Variants in RBMS3 observed in about 807,000 individuals in gnomAD.
The protein encoded by RBMS3 is RNA binding motif single stranded interacting protein 3, also known as RNA-binding motif, single-stranded-interacting protein 3.
In RBMS3, 27 loss-of-function variants were observed where a neutral mutation model predicts 66.8. The ratio of observed to expected loss-of-function variants is 0.40; its 90% confidence interval spans 0.30 to 0.56. The LOEUF (loss-of-function observed/expected upper bound fraction) is 0.56, where lower values mean the gene tolerates loss of function less well. Ranked by LOEUF, RBMS3 falls within the 20% of genes least tolerant of loss-of-function variation. The pLI, the probability that RBMS3 is intolerant of heterozygous loss-of-function variation, is 0.40. For synonymous variants in RBMS3, 188 were observed against 183.0 expected, an observed-to-expected ratio of 1.03 and a Z score of -0.22; for missense variants, 513 against 549.5, an observed-to-expected ratio of 0.93 and a Z score of 0.66.
chr3:29,387,615 A>G (rs2039065846), intron 1 of RBMS3, among the ~76,000 whole-genome samples: 2 of 152,256 alleles, frequency 1.3e-5, no homozygotes, highest in South Asian at 4.1e-4. Context: ...TTTAAAATGT[A>G]TAGATGGCCG....
intron 1 of RBMS3, among the ~76,000 whole-genome samples, chr3:29,338,512 A>C (rs538804501): frequency 9.9e-5 from 15 of 152,230 alleles, no homozygotes; most frequent in Admixed American, 5.9e-4. Flanking sequence ...AAGAAATGCA[A>C]ATTCTCAGAT....
In RBMS3 at chr3:29,866,077, T is replaced by TAAAAAAAAAAAA. The variant is rs35591949; in HGVS notation, c.638-2770_638-2759dup. Among the ~76,000 whole-genome samples the TAAAAAAAAAAAA allele has an allele frequency of 8.8e-4, 93 of 105,560 alleles. 3 individuals carry two copies. The highest frequency in any genetic ancestry group is 4.7e-3 in the East Asian group (17 of 3,580). 69.3% of individuals were successfully genotyped at this position (105,560 alleles called of 152,430 possible). A position where few individuals can be genotyped will look rare whatever the true frequency, so the allele number is the denominator to read the frequency against. The stretch of plus-strand genomic sequence containing the variant: ...TTAGTCTATTATTAACACCAAATAC[T>TAAAAAAAAAAAA]AAAAAAAAAAAAAAAAAAAAAATTC... On this transcript the variant is annotated intron_variant, in intron 6 of 14. Transcript: ENST00000383767.
At chr3:29,654,379 C>T (rs1373733230) in intron 4 of RBMS3, among the ~76,000 whole-genome samples, 2 of 152,024 alleles carry the variant, frequency 1.3e-5, no homozygotes, top group Admixed American at 1.3e-4. Flanking sequence ...CATGTAGGCA[C>T]TATCAAATTG....
At chr3:29,424,143 G>C (rs920971309) in intron 1 of RBMS3, among the ~76,000 whole-genome samples, 4 of 152,122 alleles carry the variant, frequency 2.6e-5, no homozygotes, top group Admixed American at 6.5e-5. Context: ...AAAAAGTATG[G>C]AAATGAAATA....
At chr3:29,976,606 G>C (rs960253659) in intron 12 of RBMS3, among the ~76,000 whole-genome samples, 1 of 151,948 alleles carries the variant, frequency 6.6e-6, no homozygotes, top group Non-Finnish European at 1.5e-5. Flanking sequence ...CCCTAGTAGG[G>C]ACACTCGACG....
At position 29,876,573 on chromosome 3, in the gene RBMS3, T is replaced by C. The variant is rs373117300; in HGVS notation, c.745-7589T>C. On this transcript the variant is annotated intron_variant, in intron 7 of 14. Coordinates refer to ENST00000383767, the MANE Select transcript of RBMS3 (RefSeq NM_001003793.3). ...GCTGGGAGACACACATGGCAAAGCA[T>C]GGTCATATTAGCTTCCACCATGGGT... is the stretch of plus-strand genomic sequence containing the variant. 3.9e-5 allele frequency among the ~76,000 whole-genome samples: 6 copies of C among 152,246 alleles called. No individual in the cohort carries two copies. In the South Asian group the frequency reaches 1.2e-3, roughly 32 times the overall value.
At chr3:29,985,636 C>T (rs1045096953) in intron 12 of RBMS3, among the ~76,000 whole-genome samples, 16 of 152,182 alleles carry the variant, frequency 1.1e-4, no homozygotes, top group Non-Finnish European at 2.1e-4. Context: ...CCAGGTGAGG[C>T]GATACCCTAC....
At chr3:29,520,533 C>T (rs1253790339) in intron 3 of RBMS3, among the ~76,000 whole-genome samples, 2 of 151,958 alleles carry the variant, frequency 1.3e-5, no homozygotes, top group African/African-American at 2.4e-5. Flanking sequence ...AGAAAGTGAA[C>T]AAAAGTTGTG....
chr3:29,445,794 A>G (rs930207070), intron 2 of RBMS3, among the ~76,000 whole-genome samples: 3 of 152,160 alleles, frequency 2.0e-5, no homozygotes, highest in African/African-American at 7.2e-5. Context: ...TTTATTTCTT[A>G]TCTGTTGTCA....
chr3:29,919,609 AACATACATGTGTTTAATC>A (rs2060718085), intron 10 of RBMS3, among the ~76,000 whole-genome samples: 1 of 152,182 alleles, frequency 6.6e-6, no homozygotes, highest in Admixed American at 6.5e-5. Context: ...TTATAACCAA[AACATACATGTGTTTAATC>A]ACCTCTCTAT....
intron 1 of RBMS3, among the ~76,000 whole-genome samples, chr3:29,428,050 G>A (rs2041028493): frequency 6.6e-6 from 1 of 152,202 alleles, no homozygotes; most frequent in South Asian, 2.1e-4. Flanking sequence ...GTATGTTGGA[G>A]GGGGTGAATG....
intron 2 of RBMS3, among the ~76,000 whole-genome samples, chr3:29,487,939 G>C (rs2043383413): frequency 6.6e-6 from 1 of 152,172 alleles, no homozygotes; most frequent in Admixed American, 6.5e-5. Flanking sequence ...ATTGCTCCTG[G>C]AGCCTAATAT....
chr3:29,965,491 T>C (rs541989657), intron 12 of RBMS3, among the ~76,000 whole-genome samples: 2 of 152,320 alleles, frequency 1.3e-5, no homozygotes, highest in East Asian at 3.9e-4. Context: ...ATTTTGAGCA[T>C]TTTTTCACAT....
chr3:29,814,410 G>A (rs1267631052), intron 6 of RBMS3, among the ~76,000 whole-genome samples: 7 of 152,070 alleles, frequency 4.6e-5, no homozygotes, highest in Admixed American at 2.0e-4. Context: ...TTTTTGCATC[G>A]ATGTTCATCA....
At chr3:29,820,468 T>C (rs2149473990) in intron 6 of RBMS3, among the ~76,000 whole-genome samples, 1 of 152,124 alleles carries the variant, frequency 6.6e-6, no homozygotes, top group South Asian at 2.1e-4. Context: ...TTTCTGGTAC[T>C]TCAATCAAAT....
At chr3:29,337,242 AC>A (rs1480591143) in intron 1 of RBMS3, among the ~76,000 whole-genome samples, 11 of 152,126 alleles carry the variant, frequency 7.2e-5, no homozygotes, top group Non-Finnish European at 1.0e-4. Flanking sequence ...GATATTTGAT[AC>A]AAAATGTTAA....
chr3:30,009,980 G>A lies in RBMS3; in HGVS notation c.*6118G>A, dbSNP rs1156836588. ...AGTTTTCTCTATTCTGGACACAAAT[G>A]CTTCCATTTATTTCAAAAGAAGAAG... On this transcript the variant is annotated 3_prime_UTR_variant, in exon 15 of 15. Transcript: ENST00000383767. 2 of 151,308 alleles carry A rather than the reference G, an allele frequency of 1.3e-5. No individual in the cohort carries two copies. The highest frequency in any genetic ancestry group is 2.9e-5 in the Non-Finnish European group (2 of 67,930). 9.4% of individuals were successfully genotyped at this position (151,308 alleles called of 1,614,324 possible).
chr3:29,815,977 A>C (rs1467696369), intron 6 of RBMS3, among the ~76,000 whole-genome samples: 2 of 152,084 alleles, frequency 1.3e-5, no homozygotes, highest in Admixed American at 6.6e-5. Context: ...GAGGGTTATG[A>C]GTATTGAATT....
chr3:29,287,980 CAT>C (rs1030959112), intron 1 of RBMS3, among the ~76,000 whole-genome samples: 4 of 151,466 alleles, frequency 2.6e-5, no homozygotes, highest in African/African-American at 9.7e-5. Context: ...TTGTTTTATC[CAT>C]GTAGGTTTAT....
Sources: allele counts gnomAD v4.1 joint callset (sites outside exome capture counted in the v4.1 genomes callset), GRCh38; gene constraint gnomAD v4.1.1; transcripts MANE v1.5; gene names NCBI Gene and HGNC (gene_info 2026-07-23, HGNC 2026-07-21).